Variants in APCDD1L observed in about 807,000 individuals in gnomAD.
APCDD1L encodes the protein APC down-regulated 1 like.
A neutral mutation model predicts 24.2 loss-of-function variants in APCDD1L; 21 were observed. The ratio of observed to expected loss-of-function variants is 0.87; its 90% CI spans 0.61 to 1.25. The LOEUF is 1.25. APCDD1L is among the 50% of genes most tolerant of loss of function. APCDD1L has a pLI of 0.00. For synonymous variants in APCDD1L, 321 were observed against 323.6 expected, an observed-to-expected ratio of 0.99 and a Z score of 0.09; for missense variants, 704 against 711.7, an observed-to-expected ratio of 0.99 and a Z score of 0.12.
chr20:58,459,160 T>G lies in APCDD1L; in HGVS notation c.*1630A>C, dbSNP rs1254478495. Reference sequence around the variant, plus strand: ...AATTTGATGATAAATGGTGGCATGGTTACTTCAAGCTTCGGATACAAGACC... The same window carrying G: ...AATTTGATGATAAATGGTGGCATGGGTACTTCAAGCTTCGGATACAAGACC... On this transcript the variant is annotated 3_prime_UTR_variant, in exon 4 of 4. Transcript: ENST00000371149. 6.6e-6 allele frequency: 1 copy of G among 152,256 alleles called. No individual in the cohort carries two copies. Among genetic ancestry groups the G allele is most frequent in the Non-Finnish European group, 1.5e-5 (1 of 68,046 alleles). The allele number at this position is 152,256 out of a possible 1,614,324, so 9.4% of individuals were successfully genotyped here. A position where few individuals can be genotyped will look rare whatever the true frequency, so the allele number is the denominator to read the frequency against.
At position 58,463,894 on chromosome 20, in the gene APCDD1L, T is replaced by TGGGG. The variant is rs35696336; in HGVS notation, c.742-2344_742-2341dup. 1.1e-3 allele frequency among the ~76,000 whole-genome samples: 60 copies of TGGGG among 52,374 alleles called. 2 individuals are homozygous for TGGGG. Among genetic ancestry groups the TGGGG allele is most frequent in the East Asian group, 4.9e-3 (4 of 822 alleles). 34.4% of individuals were successfully genotyped at this position (52,374 alleles called of 152,430 possible). On this transcript the variant is annotated intron_variant, in intron 3 of 3. Coordinates refer to ENST00000371149, the MANE Select transcript of APCDD1L (RefSeq NM_153360.3). ...TGGATGATTGAGAACAGTTTTTTTT[T>TGGGG]GGGGGGGGGGGGCGTCACATTTTAT...
Position 58,460,695 on chromosome 20 carries a change from G to C in APCDD1L, c.*95C>G. The C allele has an allele frequency of 7.2e-7, 1 of 1,392,984 alleles. No individual in the cohort carries two copies. The highest frequency in any genetic ancestry group is 9.6e-7 in the Non-Finnish European group (1 of 1,046,222). The allele number at this position is 1,392,984 out of a possible 1,614,324, so 86.3% of individuals were successfully genotyped here. On this transcript the variant is annotated 3_prime_UTR_variant, in exon 4 of 4. Transcript: ENST00000371149. The surrounding 1 kb of genome is among the most constrained non-coding windows in gnomAD (Gnocchi z 4.2). ...GGGCTGTGCATCCATCCATGACAGAGCAGAGGAGAATGGTTCCTTCCCTAC... is the reference window on the plus strand; with the variant it reads ...GGGCTGTGCATCCATCCATGACAGACCAGAGGAGAATGGTTCCTTCCCTAC...
At chr20:58,462,398 C>T (rs1170972372) in intron 3 of APCDD1L, among the ~76,000 whole-genome samples, 1 of 152,122 alleles carries the variant, frequency 6.6e-6, no homozygotes, top group African/African-American at 2.4e-5. Context: ...TGTCTGAGCT[C>T]CCCCTCTCAT....
At chr20:58,513,019 A>G (rs1858278757) in intron 1 of APCDD1L, among the ~76,000 whole-genome samples, 1 of 152,138 alleles carries the variant, frequency 6.6e-6, no homozygotes. Context: ...ACGGCTCTAC[A>G]CTCACAGTGA....
Position 58,461,895 on chromosome 20 carries a change from G to A in APCDD1L, c.742-341C>T, listed in dbSNP as rs1989617600. The A allele has an allele frequency of 1.1e-5, 3 of 268,780 alleles. No homozygotes were observed. Among genetic ancestry groups the A allele is most frequent in the Admixed American group, 5.3e-5 (1 of 18,892 alleles). The allele number at this position is 268,780 out of a possible 1,614,324, so 16.6% of individuals were successfully genotyped here. ...TGCCCCATGTAAGGTGGGCCTCAGG[G>A]CTGTCACACCACCCTCTTTTATCTT... On this transcript the variant is annotated intron_variant, in intron 3 of 3. Transcript: ENST00000371149. The surrounding 1 kb of genome is among the most constrained non-coding windows in gnomAD (Gnocchi z 6.0).
chr20:58,500,825 C>T (rs1990421575), intron 1 of APCDD1L, among the ~76,000 whole-genome samples: 1 of 152,164 alleles, frequency 6.6e-6, no homozygotes, highest in South Asian at 2.1e-4. Flanking sequence ...GCTGCACTCC[C>T]CACTAGCCAG....
chr20:58,460,667 G>A lies in APCDD1L; in HGVS notation c.*123C>T. 1 of 1,241,170 alleles carries A rather than the reference G, an allele frequency of 8.1e-7. No homozygotes were observed. The highest frequency in any genetic ancestry group is 1.1e-6 in the Non-Finnish European group (1 of 930,070). The allele number at this position is 1,241,170 out of a possible 1,614,324, so 76.9% of individuals were successfully genotyped here. On this transcript the variant is annotated 3_prime_UTR_variant, in exon 4 of 4. Transcript: ENST00000371149. This position sits in a 1 kb window ranked among gnomAD's most constrained non-coding sequence, Gnocchi z 4.2. ...GGGACACAGGCAGAGTTTGGAAGCA[G>A]TGGGGCTGTGCATCCATCCATGACA...
At chr20:58,470,856 G>T (rs1323221623) in intron 1 of APCDD1L, 109 bp from the exon 2 acceptor site, 3 of 1,413,448 alleles carry the variant, frequency 2.1e-6, no homozygotes, top group Non-Finnish European at 9.3e-7. Context: ...GGGCTGTCCC[G>T]CAACCTCCAT....
At chr20:58,463,381 T>C (rs1989649174) in intron 3 of APCDD1L, among the ~76,000 whole-genome samples, 1 of 152,134 alleles carries the variant, frequency 6.6e-6, no homozygotes. Flanking sequence ...GTCTCTGCCT[T>C]ACAAACTCTC....
At position 58,461,199 on chromosome 20, in the gene APCDD1L, A is replaced by T. The variant is rs768251447; in HGVS notation, c.1097T>A (p.Val366Asp). The change falls in exon 4 of 4, where the codon GTC becomes GAC. Residue 366 changes from valine to aspartate, a missense_variant. By Grantham distance (152) the Val-to-Asp change is radical (BLOSUM62 -3). Transcript: ENST00000371149. The surrounding 1 kb of genome is among the most constrained non-coding windows in gnomAD (Gnocchi z 6.0). ...AGAGAAGTTGAGCATGGCCGTGGTG[A>T]CCTGGTCCATGGGGGTCACATGGGC... ...TRAHVTPMDQ[V>D]TTAMLNFSEP... 6.2e-7 allele frequency: 1 copy of T among 1,613,492 alleles called. No homozygotes were observed. The highest frequency in any genetic ancestry group is 8.5e-7 in the Non-Finnish European group (1 of 1,179,802).
chr20:58,461,349 T>C lies in APCDD1L; in HGVS notation c.947A>G (p.His316Arg), dbSNP rs376071501. The C allele has an allele frequency of 1.1e-5, 17 of 1,589,454 alleles. No individual in the cohort carries two copies. The African/African-American group carries it at 1.6e-4, about 15-fold the overall frequency. ...CCGGCAGGCTGGGTCTGAGAAGTGG[T>C]GGTAATACCCTTCCCAGGAGCGGCT... Reference protein sequence around the residue: ...GHSRSWEGYYHHFSDPACRQP... With the variant: ...GHSRSWEGYYRHFSDPACRQP... The change falls in exon 4 of 4, where the codon CAC becomes CGC. Residue 316 changes from histidine (H) to arginine (R), a missense_variant. His to Arg is a conservative substitution (Grantham distance 29). Coordinates refer to ENST00000371149, the MANE Select transcript of APCDD1L (RefSeq NM_153360.3). This position sits in a 1 kb window ranked among gnomAD's most constrained non-coding sequence, Gnocchi z 6.0.
At chr20:58,510,616 G>A (rs752376532) in intron 1 of APCDD1L, among the ~76,000 whole-genome samples, 2 of 152,184 alleles carry the variant, frequency 1.3e-5, no homozygotes, top group Non-Finnish European at 1.5e-5. Flanking sequence ...AAAGGCGTGA[G>A]CCACCATGCC....
chr20:58,510,568 G>A (rs1990608145), intron 1 of APCDD1L, among the ~76,000 whole-genome samples: 1 of 152,164 alleles, frequency 6.6e-6, no homozygotes, highest in African/African-American at 2.4e-5. Context: ...CTGACCTTAG[G>A]TGATCTGCCC....
At chr20:58,486,830 G>A (rs933350827) in intron 1 of APCDD1L, among the ~76,000 whole-genome samples, 11 of 132,020 alleles carry the variant, frequency 8.3e-5, no homozygotes, top group Non-Finnish European at 1.3e-4. Context: ...AATTTACTAA[G>A]AAGGAAAATT....
rs1252352881 is a variant in APCDD1L, at chr20:58,494,822, G to A, written c.49+19837C>T. 2.0e-5 allele frequency among the ~76,000 whole-genome samples: 3 copies of A among 152,112 alleles called. No homozygotes were observed. The highest frequency in any genetic ancestry group is 1.5e-5 in the Non-Finnish European group (1 of 68,026). ...GCATTCTGCACCCACTGAGCGCCTGGCAGTCCCTTGGCCACACCCCACTTG... is the reference window on the plus strand; with the variant it reads ...GCATTCTGCACCCACTGAGCGCCTGACAGTCCCTTGGCCACACCCCACTTG... On this transcript the variant is annotated intron_variant, in intron 1 of 3. Coordinates refer to ENST00000371149, the MANE Select transcript of APCDD1L (RefSeq NM_153360.3). The surrounding 1 kb of genome is among the most constrained non-coding windows in gnomAD (Gnocchi z 4.8).
intron 1 of APCDD1L, among the ~76,000 whole-genome samples, chr20:58,484,817 A>T (rs755298588): frequency 5.9e-5 from 9 of 152,202 alleles, no homozygotes; most frequent in Admixed American, 2.6e-4. Context: ...AAAATGTATT[A>T]AAAAAGGTGT....
In APCDD1L at chr20:58,514,640, G is replaced by C. The variant is rs756241393; in HGVS notation, c.49+19C>G. ...TCCGAGCTCAGCCAGTTTGCCGGGT[G>C]GGGGAGGGTGGCACCTACCTCCCAA... On this transcript the variant is annotated intron_variant, in intron 1 of 3. Transcript: ENST00000371149. 3.0e-6 allele frequency: 4 copies of C among 1,313,400 alleles called. No homozygotes were observed. Among genetic ancestry groups the C allele is most frequent in the South Asian group, 3.2e-5 (1 of 31,566 alleles). The allele number at this position is 1,313,400 out of a possible 1,614,324, so 81.4% of individuals were successfully genotyped here.
At chr20:58,505,666 C>T (rs1424668934) in intron 1 of APCDD1L, among the ~76,000 whole-genome samples, 5 of 152,048 alleles carry the variant, frequency 3.3e-5, no homozygotes, top group African/African-American at 1.2e-4. Context: ...GGATACAACA[C>T]TAGGCATTTT....
intron 1 of APCDD1L, among the ~76,000 whole-genome samples, chr20:58,488,442 C>A (rs1990165775): frequency 6.6e-6 from 1 of 152,110 alleles, no homozygotes; most frequent in Admixed American, 6.6e-5. Flanking sequence ...AACACATGTG[C>A]AACATTTACA....
Sources: allele counts gnomAD v4.1 joint callset (sites outside exome capture counted in the v4.1 genomes callset), GRCh38; gene constraint gnomAD v4.1.1; non-coding constraint Gnocchi (gnomAD v3.1); transcripts MANE v1.5; gene names NCBI Gene and HGNC (gene_info 2026-07-23, HGNC 2026-07-21).